The following ANKRD27 variants were observed in gnomAD, a reference collection of about 807,000 sequenced individuals.
ANKRD27 encodes ankyrin repeat domain-containing protein 27.
ANKRD27 carries 112 observed loss-of-function variants against 129.7 expected under a neutral mutation model. The observed-to-expected ratio is 0.86, with a 90% CI of 0.74 to 1.01. The LOEUF (loss-of-function observed/expected upper bound fraction) is 1.01. ANKRD27 is among the 50% of genes least tolerant of loss of function. The pLI is 0.00. For missense variants in ANKRD27, 1,258 were observed against 1,300.5 expected (o/e 0.97, Z 0.50); for synonymous variants, 516 against 511.2 (o/e 1.01, Z -0.13).
chr19:32,626,172 C>G (rs969083886), intron 16 of ANKRD27, among the ~76,000 whole-genome samples: 1 of 152,074 alleles, frequency 6.6e-6, no homozygotes, highest in Non-Finnish European at 1.5e-5. Context: ...CCCATATGAT[C>G]AGGAAGTTTT....
intron 1 of ANKRD27, among the ~76,000 whole-genome samples, chr19:32,670,440 G>C (rs189044773): frequency 6.6e-6 from 1 of 151,262 alleles, no homozygotes; most frequent in Admixed American, 6.6e-5. Flanking sequence ...TTGGGAGGCC[G>C]AGGCGGGCGG....
At chr19:32,645,801 T>A (rs1277569586) in intron 4 of ANKRD27, among the ~76,000 whole-genome samples, 1 of 151,558 alleles carries the variant, frequency 6.6e-6, no homozygotes, top group Non-Finnish European at 1.5e-5. Flanking sequence ...CGTGGCTAAT[T>A]TTTTTTGTAT....
At chr19:32,635,040 T>C (rs992742708) in intron 12 of ANKRD27, among the ~76,000 whole-genome samples, 4 of 152,150 alleles carry the variant, frequency 2.6e-5, no homozygotes, top group Non-Finnish European at 5.9e-5. Context: ...GAGAAGCCGA[T>C]GTATACTGTT....
chr19:32,619,992 C>T (rs1971983754), intron 18 of ANKRD27, among the ~76,000 whole-genome samples: 1 of 152,138 alleles, frequency 6.6e-6, no homozygotes, highest in Non-Finnish European at 1.5e-5. Context: ...CTCTCTTTTC[C>T]TCTGCAGATC....
At position 32,615,728 on chromosome 19, in the gene ANKRD27, G is replaced by A. The variant is rs752439157; in HGVS notation, c.2105C>T (p.Thr702Ile). 2.5e-6 allele frequency: 4 copies of A among 1,614,200 alleles called. 1 individual carries two copies. Among genetic ancestry groups the A allele is most frequent in the Non-Finnish European group, 8.5e-7 (1 of 1,180,034 alleles). ...GAATTCGGGGTCCGCTGCACTGACA[G>A]TGTCCTCCGCATCCTCCAGGTCCTC... Reference protein sequence around the residue: ...TEEDLEDAEDTVSAADPEFCH... With the variant: ...TEEDLEDAEDIVSAADPEFCH... The change falls in exon 22 of 29, where the codon ACT becomes ATT. Residue 702 changes from threonine to isoleucine, a missense_variant. Coordinates refer to ENST00000306065, the MANE Select transcript of ANKRD27 (RefSeq NM_032139.3).
rs779728785 is a variant in ANKRD27 at position 32,604,432 on chromosome 19, G to A, written c.2494-8C>T. ...GTTAATGGAGGCCCCGTGCTGGAAAGAGAAACCACACGATCAAAAGGAACG... is the reference window on the plus strand; with the variant it reads ...GTTAATGGAGGCCCCGTGCTGGAAAAAGAAACCACACGATCAAAAGGAACG... On this transcript the variant is annotated splice_region_variant and splice_polypyrimidine_tract_variant and intron_variant, in intron 24 of 28. Transcript: ENST00000306065. 1 of 1,590,766 alleles carries A rather than the reference G, an allele frequency of 6.3e-7. No individual in the cohort carries two copies. Among genetic ancestry groups the A allele is most frequent in the Non-Finnish European group, 8.6e-7 (1 of 1,162,240 alleles).
At chr19:32,605,803 T>C (rs375092448) in intron 24 of ANKRD27, 32 bp downstream of exon 24, 12 of 1,609,506 alleles carry the variant, frequency 7.5e-6, no homozygotes, top group Non-Finnish European at 9.3e-6. Flanking sequence ...CTGGCGCAGG[T>C]GTGTAGAATG....
chr19:32,669,605 A>C (rs1162163386), intron 1 of ANKRD27, among the ~76,000 whole-genome samples: 1 of 152,222 alleles, frequency 6.6e-6, no homozygotes, highest in Non-Finnish European at 1.5e-5. Context: ...AAGATGCTGG[A>C]GGAACACCAA....
chr19:32,618,286 C>A (rs902251211), intron 20 of ANKRD27, among the ~76,000 whole-genome samples: 3 of 151,410 alleles, frequency 2.0e-5, no homozygotes, highest in Non-Finnish European at 4.4e-5. Flanking sequence ...TCCTAAGACG[C>A]CAGCCACCCC....
intron 3 of ANKRD27, 98 bp from the exon 4 acceptor site, chr19:32,646,713 C>G: frequency 7.5e-7 from 1 of 1,325,974 alleles, no homozygotes; most frequent in Non-Finnish European, 1.0e-6. Flanking sequence ...ACCCTACGGC[C>G]TTCACCCCAT....
chr19:32,662,799 T>C (rs1016975711), intron 1 of ANKRD27, among the ~76,000 whole-genome samples: 1 of 151,508 alleles, frequency 6.6e-6, no homozygotes, highest in Non-Finnish European at 1.5e-5. Context: ...TCTCAACACT[T>C]TGGGAGGCCT....
intron 28 of ANKRD27, among the ~76,000 whole-genome samples, 182 bp from the exon 29 acceptor site, chr19:32,598,560 A>C (rs1166598083): frequency 6.6e-6 from 1 of 152,180 alleles, no homozygotes; most frequent in Non-Finnish European, 1.5e-5. Flanking sequence ...CATGTGTCAG[A>C]GTAAATGTTT....
chr19:32,643,750 A>C, intron 5 of ANKRD27, 119 bp from the exon 6 acceptor site: 1 of 1,037,348 alleles, frequency 9.6e-7, no homozygotes, highest in South Asian at 1.4e-5. Context: ...GAAGTCAATT[A>C]CGTGATTTTT....
chr19:32,643,076 C>A, intron 9 of ANKRD27, 47 bp downstream of exon 9: 1 of 1,589,262 alleles, frequency 6.3e-7, no homozygotes, highest in Non-Finnish European at 8.6e-7. Context: ...GAGAAGACAG[C>A]ACCCCTGCCT....
intron 22 of ANKRD27, among the ~76,000 whole-genome samples, chr19:32,614,698 T>A (rs1162627680): frequency 2.6e-5 from 4 of 151,186 alleles, no homozygotes; most frequent in African/African-American, 7.3e-5. Flanking sequence ...AATAAAAAAA[T>A]AAATAAATAA....
At chr19:32,668,948 C>T (rs1967813554) in intron 1 of ANKRD27, among the ~76,000 whole-genome samples, 1 of 152,100 alleles carries the variant, frequency 6.6e-6, no homozygotes, top group Non-Finnish European at 1.5e-5. Flanking sequence ...ATGCAGCTGG[C>T]TGACTCAAGG....
chr19:32,674,878 C>A (rs928077100), intron 1 of ANKRD27, among the ~76,000 whole-genome samples, 193 bp downstream of exon 1: 4 of 151,950 alleles, frequency 2.6e-5, no homozygotes, highest in Admixed American at 2.6e-4. Context: ...GCGCCGGCTG[C>A]GCACCGGGCA....
At chr19:32,599,645 A>T in intron 28 of ANKRD27, 59 bp downstream of exon 28, 1 of 1,475,820 alleles carries the variant, frequency 6.8e-7, no homozygotes, top group Non-Finnish European at 9.4e-7. Flanking sequence ...ACCATGGATT[A>T]CTTTTGACAA....
chr19:32,625,809 T>A, intron 17 of ANKRD27, 65 bp downstream of exon 17: 2 of 1,294,716 alleles, frequency 1.5e-6, no homozygotes, highest in Non-Finnish European at 2.1e-6. Flanking sequence ...TAATGAGAAA[T>A]CCCGACTTCT....
Sources: gnomAD v4.1 joint callset for allele counts (sites outside exome capture counted in the v4.1 genomes callset) on GRCh38, gnomAD v4.1.1 for gene constraint, MANE v1.5 for transcripts, NCBI Gene and HGNC (gene_info 2026-07-23, HGNC 2026-07-21) for gene names.